The following ORC3 variants were observed in gnomAD, a reference collection of about 807,000 sequenced individuals.
ORC3 encodes the protein origin recognition complex subunit 3.
In ORC3, 78 loss-of-function variants were observed where a neutral mutation model predicts 100.7. That is an observed-to-expected ratio of 0.77 (90% CI 0.65 to 0.94). The LOEUF is 0.94. Ranked by LOEUF, ORC3 falls within the 40% of genes least tolerant of loss-of-function variation. ORC3 has a pLI of 0.00. For synonymous variants in ORC3, 295 were observed against 289.3 expected, an observed-to-expected ratio of 1.02 and a Z score of -0.20; for missense variants, 789 against 823.9, an observed-to-expected ratio of 0.96 and a Z score of 0.52.
At chr6:87,639,704 G>A (rs1211031910) in intron 13 of ORC3, among the ~76,000 whole-genome samples, 1 of 151,954 alleles carries the variant, frequency 6.6e-6, no homozygotes, top group African/African-American at 2.4e-5. Flanking sequence ...AAGAGGCCAG[G>A]CACAGTGGCT....
chr6:87,628,905 C>T (rs897036901), intron 11 of ORC3, among the ~76,000 whole-genome samples: 1 of 152,194 alleles, frequency 6.6e-6, no homozygotes, highest in Non-Finnish European at 1.5e-5. Context: ...CAATCACAGT[C>T]TATCAAATGT....
intron 13 of ORC3, among the ~76,000 whole-genome samples, chr6:87,644,971 C>T (rs1768642027): frequency 6.6e-6 from 1 of 152,146 alleles, no homozygotes; most frequent in African/African-American, 2.4e-5. Flanking sequence ...TGGCATCCCA[C>T]AAAGGGCATC....
intron 1 of ORC3, among the ~76,000 whole-genome samples, chr6:87,592,875 C>T (rs1317352169): frequency 4.6e-5 from 7 of 152,086 alleles, no homozygotes; most frequent in South Asian, 4.1e-4. Context: ...GGATGGATCA[C>T]GAGATCAGGA....
At chr6:87,673,028 AATC>A in the ORC3 span, among the ~76,000 whole-genome samples, 6 of 152,110 alleles carry the variant, frequency 3.9e-5, no homozygotes, top group African/African-American at 1.2e-4. Context: ...AATCTATTGA[AATC>A]ATGTGTGGTT....
intron 12 of ORC3, among the ~76,000 whole-genome samples, chr6:87,635,415 C>G (rs566720431): frequency 1.8e-4 from 28 of 152,176 alleles, no homozygotes; most frequent in Non-Finnish European, 3.4e-4. Flanking sequence ...AACCTATCAA[C>G]CATCTGTAGA....
chr6:87,659,058 A>ATTTT (rs71021316), intron 16 of ORC3, among the ~76,000 whole-genome samples: 7 of 93,280 alleles, frequency 7.5e-5, no homozygotes, highest in African/African-American at 1.5e-4. Context: ...GTTTATTGTA[A>ATTTT]TTTTTTTTTT....
intron 11 of ORC3, among the ~76,000 whole-genome samples, chr6:87,633,340 A>G (rs1767572707): frequency 6.6e-6 from 1 of 152,210 alleles, no homozygotes; most frequent in Admixed American, 6.5e-5. Context: ...ACTAAAGTAT[A>G]CCCTCCCAAT....
the ORC3 span, among the ~76,000 whole-genome samples, chr6:87,674,639 TA>T: frequency 1.4e-5 from 2 of 146,038 alleles, no homozygotes; most frequent in African/African-American, 2.6e-5. Context: ...TATATATATA[TA>T]TATTTTTTTT....
intron 14 of ORC3, among the ~76,000 whole-genome samples, chr6:87,653,997 TAAC>T (rs1466500155): frequency 1.3e-5 from 2 of 152,196 alleles, no homozygotes; most frequent in African/African-American, 4.8e-5. Flanking sequence ...AGTAGAACAA[TAAC>T]AACAATAAAA....
At chr6:87,599,631 G>A (rs557983959) in intron 2 of ORC3, among the ~76,000 whole-genome samples, 1 of 151,000 alleles carries the variant, frequency 6.6e-6, no homozygotes, top group East Asian at 2.0e-4. Context: ...CTCCCAAAGC[G>A]CTGGGATTAC....
chr6:87,651,733 T>G (rs1769285650), intron 13 of ORC3, among the ~76,000 whole-genome samples: 1 of 152,192 alleles, frequency 6.6e-6, no homozygotes, highest in Admixed American at 6.5e-5. Context: ...CCAGTTCAAT[T>G]TCTCAGTAAT....
intron 9 of ORC3, among the ~76,000 whole-genome samples, 178 bp downstream of exon 9, chr6:87,616,605 A>G (rs766308465): frequency 6.6e-6 from 1 of 152,232 alleles, no homozygotes; most frequent in Non-Finnish European, 1.5e-5. Flanking sequence ...ACTGTAGAGA[A>G]TGCACTCATT....
At chr6:87,657,070 T>C in intron 15 of ORC3, 88 bp downstream of exon 15, 1 of 879,966 alleles carries the variant, frequency 1.1e-6, no homozygotes, top group South Asian at 1.4e-5. Flanking sequence ...CTGGATGTTT[T>C]TGTTTTCATT....
At chr6:87,646,915 A>G (rs1198008905) in intron 13 of ORC3, among the ~76,000 whole-genome samples, 1 of 142,982 alleles carries the variant, frequency 7.0e-6, no homozygotes, top group Non-Finnish European at 1.5e-5. Context: ...TTCCCCTGAA[A>G]TCTATCATTT....
Position 87,619,564 on chromosome 6 carries a change from G to T in ORC3, c.988-1790G>T, listed in dbSNP as rs1440888281. On this transcript the variant is annotated intron_variant, in intron 9 of 19. Transcript: ENST00000392844. ...TGGGATTACAGGCATGCGCCACCAC[G>T]CCTGGCTAATTTTGTATTTTTAGTA... Among the ~76,000 whole-genome samples, 11 of 152,050 alleles carry T rather than the reference G, an allele frequency of 7.2e-5. 1 individual carries two copies. The highest frequency in any genetic ancestry group is 2.1e-4 in the South Asian group (1 of 4,822).
At chr6:87,642,508 G>A (rs778251277) in intron 13 of ORC3, among the ~76,000 whole-genome samples, 15 of 150,996 alleles carry the variant, frequency 9.9e-5, no homozygotes, top group South Asian at 6.3e-4. Context: ...AATTGAATCC[G>A]GGAGGCAGAG....
At chr6:87,653,033 T>C in intron 13 of ORC3, 83 bp from the exon 14 acceptor site, 5 of 1,080,312 alleles carry the variant, frequency 4.6e-6, no homozygotes, top group Middle Eastern at 3.2e-4. Context: ...AGCGGAAACA[T>C]TTAATATGTA....
intron 7 of ORC3, among the ~76,000 whole-genome samples, chr6:87,610,337 T>C (rs904126476): frequency 1.3e-5 from 2 of 151,974 alleles, no homozygotes; most frequent in Non-Finnish European, 2.9e-5. Flanking sequence ...GCCTCCCAAG[T>C]AGCTGGGATT....
intron 19 of ORC3, among the ~76,000 whole-genome samples, chr6:87,666,132 T>G (rs996529412): frequency 4.6e-5 from 7 of 152,132 alleles, no homozygotes; most frequent in Non-Finnish European, 1.0e-4. Flanking sequence ...TTGTTTTTTT[T>G]GTTTGTTTGT....
Sources: gnomAD v4.1 joint callset for allele counts (sites outside exome capture counted in the v4.1 genomes callset) on GRCh38, gnomAD v4.1.1 for gene constraint, MANE v1.5 for transcripts, NCBI Gene and HGNC (gene_info 2026-07-23, HGNC 2026-07-21) for gene names.